Variants in MIP observed in about 807,000 individuals in gnomAD.
MIP encodes the protein lens fiber major intrinsic protein.
A neutral mutation model predicts 21.8 loss-of-function variants in MIP; 14 were observed. That is an observed-to-expected ratio of 0.64 (90% CI 0.42 to 1.00). MIP has a LOEUF of 1.00. Among genes scored for constraint, MIP ranks in the 50% least tolerant of loss-of-function variants. MIP has a pLI of 0.00. For synonymous variants in MIP, 133 were observed against 141.4 expected (o/e 0.94, Z 0.42); for missense variants, 260 against 333.5 (o/e 0.78, Z 1.72).
At position 56,453,142 on chromosome 12, in the gene MIP, G is replaced by C. The variant is rs1868672366; in HGVS notation, c.536C>G (p.Thr179Ser). The C allele has an allele frequency of 6.2e-7, 1 of 1,612,260 alleles. No homozygotes were observed. Among genetic ancestry groups the C allele is most frequent in the Non-Finnish European group, 8.5e-7 (1 of 1,178,292 alleles). ...ALGHLFGMYYTGAGMNPARSF... is the reference protein window; with the variant it reads ...ALGHLFGMYYSGAGMNPARSF... ...GCGGGCAGGATTCATGCCTGCACCA[G>C]TATAATACATCTGCAAAAGAGACAG... Residue 179 changes from threonine to serine, a missense_variant, in exon 3 of 4, where the codon ACT becomes AGT. Coordinates refer to ENST00000652304, the MANE Select transcript of MIP (RefSeq NM_012064.4).
At chr12:56,451,516 A>G in intron 3 of MIP, 51 bp from the exon 4 acceptor site, 1 of 1,523,770 alleles carries the variant, frequency 6.6e-7, no homozygotes, top group Non-Finnish European at 9.1e-7. Context: ...ACAGAGTAGC[A>G]ACGCTGCTCT....
In MIP at chr12:56,451,049, G is replaced by A. The variant is rs763403034; in HGVS notation, c.*231C>T. 4.7e-5 allele frequency: 26 copies of A among 548,964 alleles called. No homozygotes were observed. The highest frequency in any genetic ancestry group is 6.3e-5 in the South Asian group (3 of 47,836). The allele number at this position is 548,964 out of a possible 1,614,324, so 34.0% of individuals were successfully genotyped here. On this transcript the variant is annotated 3_prime_UTR_variant, in exon 4 of 4. Coordinates refer to ENST00000652304, the MANE Select transcript of MIP (RefSeq NM_012064.4). Reference sequence around the variant, plus strand: ...CATATGCACAATCAGCACACACGGCGAAGGGTGGTGGGATGGGGAGGAAGG... The same window carrying A: ...CATATGCACAATCAGCACACACGGCAAAGGGTGGTGGGATGGGGAGGAAGG...
chr12:56,451,330 G>A lies in MIP; in HGVS notation c.742C>T (p.Gln248Ter). 1 of 1,614,084 alleles carries A rather than the reference G, an allele frequency of 6.2e-7. No individual in the cohort carries two copies. Among genetic ancestry groups the A allele is most frequent in the Middle Eastern group, 1.7e-4 (1 of 5,990 alleles). The change falls in exon 4 of 4, where the codon CAA becomes TAA. Residue 248 changes from glutamine (Q) to a stop codon, truncating the protein, a stop_gained. Coordinates refer to ENST00000652304, the MANE Select transcript of MIP (RefSeq NM_012064.4). LOFTEE classifies it high-confidence loss of function. ...ACAGGTTCCCCTGTGACCTCTGGTTGTCCATTGGAGACATCGGGTTTGGCA... is the reference window on the plus strand; with the variant it reads ...ACAGGTTCCCCTGTGACCTCTGGTTATCCATTGGAGACATCGGGTTTGGCA... ...KGAKPDVSNGQPEVTGEPVEL... is the reference protein window; with the variant it reads ...KGAKPDVSNG
upstream of MIP, among the ~76,000 whole-genome samples, chr12:56,455,411 G>A (rs369065204): frequency 1.8e-4 from 28 of 152,140 alleles, no homozygotes; most frequent in African/African-American, 6.5e-4. Flanking sequence ...AAAGGGACTC[G>A]TAGTTAAACC....
At chr12:56,454,759 G>A (rs2136167206), upstream of MIP, 1 of 911,778 alleles carries the variant, frequency 1.1e-6, no homozygotes, top group South Asian at 1.7e-5. Context: ...TCACAGCTGT[G>A]GAGGGCTAAG....
Position 56,453,108 on chromosome 12 carries a change from A to C in MIP, c.570T>G (p.Ala190=). Residue 190 remains alanine (A), a synonymous_variant, in exon 3 of 4, where the codon GCT becomes GCG. Transcript: ENST00000652304. ...GAGMNPARSF[A]PAILTGNFTN... ...TGAAGTTCCCAGTGAGAATGGCAGG[A>C]GCAAAGGAGCGGGCAGGATTCATGC... is the stretch of plus-strand genomic sequence containing the variant. 1 of 1,613,844 alleles carries C rather than the reference A, an allele frequency of 6.2e-7. No homozygotes were observed. Among genetic ancestry groups the C allele is most frequent in the Middle Eastern group, 1.7e-4 (1 of 6,060 alleles).
In MIP at chr12:56,452,351, G is replaced by T. The variant is rs1194511968; in HGVS notation, c.606+721C>A. Among the ~76,000 whole-genome samples, 4 of 152,136 alleles carry T rather than the reference G, an allele frequency of 2.6e-5. No homozygotes were observed. The East Asian group carries it at 7.7e-4, about 29-fold the overall frequency. Reference sequence around the variant, plus strand: ...AAGATTCATCCATGTTGTGGTATGTGTCACAATTTCCTTCCTTTTTACAGG... The same window carrying T: ...AAGATTCATCCATGTTGTGGTATGTTTCACAATTTCCTTCCTTTTTACAGG... On this transcript the variant is annotated intron_variant, in intron 3 of 3. Transcript: ENST00000652304.
chr12:56,455,273 C>A (rs1295865676), upstream of MIP, among the ~76,000 whole-genome samples: 2 of 152,076 alleles, frequency 1.3e-5, 1 homozygote, highest in Non-Finnish European at 2.9e-5. Context: ...GGTTCCCTAC[C>A]CCCAGTCCAT....
chr12:56,452,958 A>T, intron 3 of MIP, 114 bp downstream of exon 3: 1 of 792,060 alleles, frequency 1.3e-6, no homozygotes, highest in South Asian at 1.4e-5. Flanking sequence ...CCCTTAGCTG[A>T]GTGCTGGTAC....
upstream of MIP, among the ~76,000 whole-genome samples, chr12:56,455,201 T>C (rs895855326): frequency 6.6e-6 from 1 of 152,072 alleles, no homozygotes; most frequent in Admixed American, 6.6e-5. Context: ...TGGGCTGGAA[T>C]CTGTGGACCC....
chr12:56,456,530 C>T (rs190705588), upstream of MIP, among the ~76,000 whole-genome samples: 5 of 150,718 alleles, frequency 3.3e-5, no homozygotes, highest in East Asian at 3.9e-4. Context: ...CCCAGCTACT[C>T]GGGAGGTTGA....
Position 56,450,979 on chromosome 12 carries a change from C to T in MIP, c.*301G>A. On this transcript the variant is annotated 3_prime_UTR_variant, in exon 4 of 4. Transcript: ENST00000652304. ...ATAGGATGGCACCTCTTTTTGCTTC[C>T]TTAGCTCTCATGCCCCAAAACTCAG... is the stretch of plus-strand genomic sequence containing the variant. 6 of 410,378 alleles carry T rather than the reference C, an allele frequency of 1.5e-5. No homozygotes were observed. The highest frequency in any genetic ancestry group is 2.3e-5 in the Non-Finnish European group (5 of 221,978). 25.4% of individuals were successfully genotyped at this position (410,378 alleles called of 1,614,324 possible). A position where few individuals can be genotyped will look rare whatever the true frequency, so the allele number is the denominator to read the frequency against.
chr12:56,456,365 G>A (rs1028355006), upstream of MIP, among the ~76,000 whole-genome samples: 3 of 152,126 alleles, frequency 2.0e-5, no homozygotes, highest in Non-Finnish European at 4.4e-5. Context: ...AGCTGGGTGC[G>A]GTGGCTCACG....
At chr12:56,452,962 C>A in intron 3 of MIP, 110 bp downstream of exon 3, 1 of 804,798 alleles carries the variant, frequency 1.2e-6, no homozygotes, top group South Asian at 1.4e-5. Flanking sequence ...TAGCTGAGTG[C>A]TGGTACAGCA....
At chr12:56,452,982 C>A (rs944713968) in intron 3 of MIP, 90 bp downstream of exon 3, 13 of 902,178 alleles carry the variant, frequency 1.4e-5, no homozygotes, top group Non-Finnish European at 2.4e-5. Flanking sequence ...AGCCAACACA[C>A]GCAGAAGGAA....
At position 56,454,352 on chromosome 12, in the gene MIP, A is replaced by T. The variant is rs1868726865; in HGVS notation, c.262T>A (p.Cys88Ser). 8 of 1,614,140 alleles carry T rather than the reference A, an allele frequency of 5.0e-6. No homozygotes were observed. The African/African-American group carries it at 8.0e-5, about 16-fold the overall frequency. Residue 88 changes from cysteine to serine, a missense_variant, in exon 1 of 4, where the codon TGC (cysteine) becomes AGC (serine). Physicochemically the swap from Cys to Ser is moderately radical, Grantham distance 112 (BLOSUM62 -1). Coordinates refer to ENST00000652304, the MANE Select transcript of MIP (RefSeq NM_012064.4). Reference sequence around the variant, plus strand: ...CCCAGGAGCTGGGCTGCCATATAGCAGAAGGCACGGAGCAGGGACATCTGG... The same window carrying T: ...CCCAGGAGCTGGGCTGCCATATAGCTGAAGGCACGGAGCAGGGACATCTGG... ...GSQMSLLRAF[C>S]YMAAQLLGAV...
rs755034000 is a variant in MIP, at chr12:56,451,483, G to T, written c.607-18C>A. The T allele has an allele frequency of 6.2e-7, 1 of 1,612,760 alleles. No individual in the cohort carries two copies. The highest frequency in any genetic ancestry group is 8.5e-7 in the Non-Finnish European group (1 of 1,178,966). On this transcript the variant is annotated intron_variant, in intron 3 of 3. Transcript: ENST00000652304. The stretch of plus-strand genomic sequence containing the variant: ...CAGTACACCTGTAGAAAGAGAAAAG[G>T]AATACTCAGGCTTGGGGAGGGGACA...
upstream of MIP, among the ~76,000 whole-genome samples, chr12:56,454,959 C>T (rs909918142): frequency 6.6e-6 from 1 of 152,110 alleles, no homozygotes; most frequent in Non-Finnish European, 1.5e-5. Flanking sequence ...GTTCATTGTC[C>T]TGATTGACAT....
chr12:56,451,106 C>T lies in MIP; in HGVS notation c.*174G>A. 2 of 616,354 alleles carry T rather than the reference C, an allele frequency of 3.2e-6. No individual in the cohort carries two copies. 38.2% of individuals were successfully genotyped at this position (616,354 alleles called of 1,614,324 possible). Reference sequence around the variant, plus strand: ...TGCACCAACCAGCTCATGAATGCAACTTGAAAGATTTCACACAGCAAAAGG... The same window carrying T: ...TGCACCAACCAGCTCATGAATGCAATTTGAAAGATTTCACACAGCAAAAGG... On this transcript the variant is annotated 3_prime_UTR_variant, in exon 4 of 4. Coordinates refer to ENST00000652304, the MANE Select transcript of MIP (RefSeq NM_012064.4).
Sources: gnomAD v4.1 joint callset for allele counts (sites outside exome capture counted in the v4.1 genomes callset) on GRCh38, gnomAD v4.1.1 for gene constraint, MANE v1.5 for transcripts, NCBI Gene and HGNC (gene_info 2026-07-23, HGNC 2026-07-21) for gene names.